Variants in FOXP4 observed in about 807,000 individuals in gnomAD.
The protein encoded by FOXP4 is forkhead box protein P4.
FOXP4 carries 25 observed loss-of-function variants against 82.6 expected under a neutral mutation model. That is an observed-to-expected ratio of 0.30 (90% CI 0.22 to 0.42). The LOEUF is 0.42. Among genes scored for constraint, FOXP4 ranks in the 10% least tolerant of loss-of-function variants. The pLI is 1.00. For missense variants in FOXP4, 785 were observed against 900.9 expected, an observed-to-expected ratio of 0.87 and a Z score of 1.65; for synonymous variants, 415 against 388.2, an observed-to-expected ratio of 1.07 and a Z score of -0.81.
At chr6:41,564,943 AT>A (rs752039165) in intron 1 of FOXP4, among the ~76,000 whole-genome samples, 14 of 152,166 alleles carry the variant, frequency 9.2e-5, no homozygotes, top group Non-Finnish European at 2.1e-4. Context: ...GGGGAAGGTC[AT>A]TTGCCCTGGG....
chr6:41,560,592 T>C (rs921240027), intron 1 of FOXP4, among the ~76,000 whole-genome samples: 7 of 152,136 alleles, frequency 4.6e-5, no homozygotes, highest in African/African-American at 1.7e-4. Context: ...GCCCCGCCCC[T>C]CTCTCCCTCC....
rs1372659583 is a variant in FOXP4 at position 41,576,924 on chromosome 6, A to T, written c.205-1062A>T. 3.3e-5 allele frequency among the ~76,000 whole-genome samples: 5 copies of T among 152,152 alleles called. No individual in the cohort carries two copies. In the East Asian group the frequency reaches 9.6e-4, roughly 29 times the overall value. Reference sequence around the variant, plus strand: ...GGGGTCTTGAGCAATCTGGAAGCAGATAAATTTTGTGCTGCTGAAATGTGG... The same window carrying T: ...GGGGTCTTGAGCAATCTGGAAGCAGTTAAATTTTGTGCTGCTGAAATGTGG... On this transcript the variant is annotated intron_variant, in intron 2 of 16. Coordinates refer to ENST00000307972, the MANE Select transcript of FOXP4 (RefSeq NM_001012426.2).
chr6:41,559,273 A>C (rs1008914341), intron 1 of FOXP4, among the ~76,000 whole-genome samples: 1 of 152,186 alleles, frequency 6.6e-6, no homozygotes, highest in African/African-American at 2.4e-5. Context: ...TCTTCATGGG[A>C]ACATAAGCTT....
chr6:41,598,092 CCTCAGCCCT>C (rs1447566345), intron 16 of FOXP4, 142 bp downstream of exon 16: 9 of 668,764 alleles, frequency 1.3e-5, no homozygotes, highest in African/African-American at 5.7e-5. Flanking sequence ...CTCTTCCTTC[CCTCAGCCCT>C]CTCAGCCCTC....
chr6:41,599,141 G>A lies in FOXP4; in HGVS notation c.*205G>A, dbSNP rs577937935. 6.3e-6 allele frequency: 4 copies of A among 639,096 alleles called. No individual in the cohort carries two copies. The South Asian group carries it at 9.3e-5, about 15-fold the overall frequency. 39.6% of individuals were successfully genotyped at this position (639,096 alleles called of 1,614,324 possible). ...CCCCACCCCCAGGGACACAACCCCT[G>A]GTCTTGGACCAGTAGAGGACACGGA... On this transcript the variant is annotated 3_prime_UTR_variant, in exon 17 of 17. Transcript: ENST00000307972.
chr6:41,583,349 C>T (rs1320870730), intron 3 of FOXP4, among the ~76,000 whole-genome samples: 1 of 152,174 alleles, frequency 6.6e-6, no homozygotes, highest in East Asian at 1.9e-4. Context: ...TGAGTCCTGC[C>T]TCTGCCAGGC....
At position 41,595,110 on chromosome 6, in the gene FOXP4, G is replaced by C. The variant is rs1327559046; in HGVS notation, c.1658+119G>C. 8 of 1,474,592 alleles carry C rather than the reference G, an allele frequency of 5.4e-6. No individual in the cohort carries two copies. The Admixed American group carries it at 1.4e-4, about 27-fold the overall frequency. 91.3% of individuals were successfully genotyped at this position (1,474,592 alleles called of 1,614,324 possible). A position where few individuals can be genotyped will look rare whatever the true frequency, so the allele number is the denominator to read the frequency against. On this transcript the variant is annotated intron_variant, in intron 14 of 16. Coordinates refer to ENST00000307972, the MANE Select transcript of FOXP4 (RefSeq NM_001012426.2). Reference sequence around the variant, plus strand: ...CCAGATCCTTCCTGGCTGGGGGAAGGGGTGTGGGGAGAAAGGAGCAGAGGA... The same window carrying C: ...CCAGATCCTTCCTGGCTGGGGGAAGCGGTGTGGGGAGAAAGGAGCAGAGGA...
chr6:41,553,977 A>C (rs920363311), intron 1 of FOXP4, among the ~76,000 whole-genome samples: 1 of 152,178 alleles, frequency 6.6e-6, no homozygotes, highest in Non-Finnish European at 1.5e-5. Context: ...AGGAAGTTCT[A>C]ATAGGACATC....
intron 4 of FOXP4, 70 bp downstream of exon 4, chr6:41,584,961 C>T: frequency 9.3e-6 from 14 of 1,506,532 alleles, no homozygotes; most frequent in Non-Finnish European, 1.2e-5. Flanking sequence ...CCTGTTTACA[C>T]CTCACCAAGG....
intron 1 of FOXP4, among the ~76,000 whole-genome samples, chr6:41,554,348 T>A (rs1215515878): frequency 6.6e-6 from 1 of 152,212 alleles, no homozygotes; most frequent in African/African-American, 2.4e-5. Context: ...CTGCTCCTTT[T>A]GAAAAACCCA....
intron 3 of FOXP4, among the ~76,000 whole-genome samples, chr6:41,583,643 A>G (rs1008067469): frequency 6.6e-5 from 10 of 152,196 alleles, no homozygotes; most frequent in Non-Finnish European, 1.0e-4. Context: ...GAAATTAGAG[A>G]AGAGTCCTGT....
intron 2 of FOXP4, among the ~76,000 whole-genome samples, chr6:41,572,037 T>C (rs1264469750): frequency 6.6e-6 from 1 of 152,156 alleles, no homozygotes; most frequent in Non-Finnish European, 1.5e-5. Flanking sequence ...CACTTCCTAC[T>C]CAAAATCCTT....
rs544437465 is a variant in FOXP4, at chr6:41,558,021, G to A, written c.-16-7724G>A. 2.0e-5 allele frequency among the ~76,000 whole-genome samples: 3 copies of A among 152,152 alleles called. No homozygotes were observed. Among genetic ancestry groups the A allele is most frequent in the Non-Finnish European group, 4.4e-5 (3 of 68,022 alleles). On this transcript the variant is annotated intron_variant, in intron 1 of 16. Coordinates refer to ENST00000307972, the MANE Select transcript of FOXP4 (RefSeq NM_001012426.2). The surrounding 1 kb of genome is among the most constrained non-coding windows in gnomAD (Gnocchi z 4.0). ...TAAGAAGCCTTGAATGGTCCCTAGAGTTGGGGTAGGCAGCTTCTAGGATGT... is the reference window on the plus strand; with the variant it reads ...TAAGAAGCCTTGAATGGTCCCTAGAATTGGGGTAGGCAGCTTCTAGGATGT...
intron 2 of FOXP4, among the ~76,000 whole-genome samples, chr6:41,568,630 G>C (rs75767832): frequency 0.038 from 5,841 of 152,276 alleles, 162 homozygotes; most frequent in South Asian, 0.073. Context: ...CTGCAAACTC[G>C]ATAGGAAGTG....
At position 41,597,176 on chromosome 6, in the gene FOXP4, G is replaced by T; in HGVS notation, c.1659G>T (p.Gly553=). The T allele has an allele frequency of 6.2e-7, 1 of 1,614,170 alleles. No homozygotes were observed. Among genetic ancestry groups the T allele is most frequent in the Non-Finnish European group, 8.5e-7 (1 of 1,180,014 alleles). Residue 553 remains glycine (G), a splice_region_variant and synonymous_variant, in exon 15 of 17, where the codon GGG becomes GGT. Coordinates refer to ENST00000307972, the MANE Select transcript of FOXP4 (RefSeq NM_001012426.2). The stretch of plus-strand genomic sequence containing the variant: ...AAAGATGGCCTTCTCTGTCCTCCAG[G>T]AGCCCCACCCTGGTGAAGAACATGA... ...YQKRRPPKMT[G]SPTLVKNMIS...
intron 3 of FOXP4, among the ~76,000 whole-genome samples, chr6:41,580,197 A>G (rs1305750115): frequency 6.6e-6 from 1 of 152,084 alleles, no homozygotes; most frequent in East Asian, 1.9e-4. Context: ...ATGCACCACC[A>G]AGCCCAGCTA....
At chr6:41,551,024 G>T (rs1426496067) in intron 1 of FOXP4, among the ~76,000 whole-genome samples, 1 of 152,198 alleles carries the variant, frequency 6.6e-6, no homozygotes, top group African/African-American at 2.4e-5. Context: ...GCTCCCTTCA[G>T]CGTTGCCTCC....
chr6:41,554,328 A>G (rs577899646), intron 1 of FOXP4, among the ~76,000 whole-genome samples: 2 of 152,364 alleles, frequency 1.3e-5, no homozygotes, highest in East Asian at 3.9e-4. Context: ...TCACATAAAT[A>G]TCCCCACTTC....
At position 41,597,810 on chromosome 6, in the gene FOXP4, C is replaced by T. The variant is rs138179628; in HGVS notation, c.1755C>T (p.Leu585=). 1.3e-4 allele frequency: 202 copies of T among 1,607,444 alleles called. No individual in the cohort carries two copies. In the African/African-American group the frequency reaches 2.3e-3, roughly 18 times the overall value. ...CCCTGGCCGAGAGCAGCTTCCCCCT[C>T]CTCAACAGCCCTGGCATGCTGAACC... is the stretch of plus-strand genomic sequence containing the variant. ...QAALAESSFP[L]LNSPGMLNPG... Residue 585 remains leucine, a synonymous_variant, in exon 16 of 17, where the codon CTC becomes CTT. Coordinates refer to ENST00000307972, the MANE Select transcript of FOXP4 (RefSeq NM_001012426.2).
Sources: allele counts gnomAD v4.1 joint callset (sites outside exome capture counted in the v4.1 genomes callset), GRCh38; gene constraint gnomAD v4.1.1; non-coding constraint Gnocchi (gnomAD v3.1); transcripts MANE v1.5; gene names NCBI Gene and HGNC (gene_info 2026-07-23, HGNC 2026-07-21).